Variants in MCC observed in about 807,000 individuals in gnomAD.
The protein encoded by MCC is colorectal mutant cancer protein.
In MCC, 90 loss-of-function variants were observed where a neutral mutation model predicts 116.2. The observed-to-expected ratio is 0.77, with a 90% confidence interval of 0.65 to 0.92. The LOEUF is 0.92. Ranked by LOEUF, MCC falls within the 40% of genes least tolerant of loss-of-function variation. The pLI, the probability that MCC is intolerant of heterozygous loss-of-function variation, is 0.00. For synonymous variants in MCC, 578 were observed against 510.5 expected (o/e 1.13, Z -1.78); for missense variants, 1,516 against 1,312.2 (o/e 1.16, Z -2.40).
intron 8 of MCC, 24 bp from the exon 9 acceptor site, chr5:113,085,334 A>C: frequency 6.3e-7 from 1 of 1,586,726 alleles, no homozygotes; most frequent in East Asian, 2.3e-5. Flanking sequence ...GCTTTTAGAC[A>C]TAGTTGGTGG....
At chr5:113,137,980 G>C (rs540462910) in intron 5 of MCC, among the ~76,000 whole-genome samples, 1 of 152,070 alleles carries the variant, frequency 6.6e-6, no homozygotes, top group East Asian at 1.9e-4. Flanking sequence ...AGGGATGGGA[G>C]AGTCTTCTAG....
chr5:113,262,750 T>C (rs1226254683), intron 3 of MCC, among the ~76,000 whole-genome samples: 1 of 152,136 alleles, frequency 6.6e-6, no homozygotes, highest in South Asian at 2.1e-4. Flanking sequence ...GGAGGGCCTA[T>C]TAAAGGAAAT....
chr5:113,059,594 T>G (rs79853281), intron 14 of MCC, among the ~76,000 whole-genome samples: 1 of 152,262 alleles, frequency 6.6e-6, no homozygotes, highest in South Asian at 2.1e-4. Context: ...CTGTGTTCTC[T>G]GAGAGCGACT....
intron 1 of MCC, among the ~76,000 whole-genome samples, chr5:113,478,624 T>C (rs1772294601): frequency 6.6e-6 from 1 of 152,182 alleles, no homozygotes. Context: ...AGTATGCAGT[T>C]ACTGCATATA....
At chr5:113,387,386 C>A (rs968672121) in intron 1 of MCC, among the ~76,000 whole-genome samples, 1 of 152,074 alleles carries the variant, frequency 6.6e-6, no homozygotes, top group Non-Finnish European at 1.5e-5. Flanking sequence ...TAAGACCTAC[C>A]TGATATTCAG....
At chr5:113,279,050 C>A (rs1419114035) in intron 3 of MCC, among the ~76,000 whole-genome samples, 1 of 152,168 alleles carries the variant, frequency 6.6e-6, no homozygotes, top group Non-Finnish European at 1.5e-5. Flanking sequence ...GCCCATGAGT[C>A]TTTAGCTGGG....
At chr5:113,358,891 T>C (rs1768476628) in intron 2 of MCC, among the ~76,000 whole-genome samples, 1 of 152,206 alleles carries the variant, frequency 6.6e-6, no homozygotes, top group South Asian at 2.1e-4. Context: ...CTGATCCCCA[T>C]GAGGGCCCCT....
chr5:113,320,604 T>C (rs1327258796), intron 3 of MCC, among the ~76,000 whole-genome samples: 1 of 152,228 alleles, frequency 6.6e-6, no homozygotes, highest in Non-Finnish European at 1.5e-5. Context: ...GAAAGCATAC[T>C]ACTTATCTCT....
At chr5:113,259,968 A>T (rs998229376) in intron 3 of MCC, among the ~76,000 whole-genome samples, 2 of 152,188 alleles carry the variant, frequency 1.3e-5, no homozygotes, top group African/African-American at 4.8e-5. Context: ...AAATAAGCTC[A>T]AACTACAAAA....
chr5:113,487,945 A>G (rs1772587071), intron 1 of MCC, among the ~76,000 whole-genome samples: 1 of 152,116 alleles, frequency 6.6e-6, no homozygotes, highest in Non-Finnish European at 1.5e-5. Context: ...TCCTTTTCCC[A>G]CAGGGAAGAA....
At chr5:113,220,224 A>T (rs1763498185) in intron 3 of MCC, among the ~76,000 whole-genome samples, 1 of 147,570 alleles carries the variant, frequency 6.8e-6, no homozygotes. Context: ...CGCCCAGCTA[A>T]TTTTTTTGTA....
chr5:113,412,614 C>T (rs545601850), intron 1 of MCC, among the ~76,000 whole-genome samples: 8 of 152,040 alleles, frequency 5.3e-5, no homozygotes, highest in South Asian at 2.1e-4. Context: ...TTTTTGCACA[C>T]TGATTTTGTA....
chr5:113,262,208 A>G (rs60437559), intron 3 of MCC, among the ~76,000 whole-genome samples: 16,400 of 152,122 alleles, frequency 0.11, 1,396 homozygotes, highest in Admixed American at 0.25. Context: ...TCTTTAGCAC[A>G]TGCCTAAGCA....
At chr5:113,281,525 T>C (rs2150357307) in intron 3 of MCC, among the ~76,000 whole-genome samples, 1 of 152,304 alleles carries the variant, frequency 6.6e-6, no homozygotes, top group Non-Finnish European at 1.5e-5. Flanking sequence ...ATCCAAAGGT[T>C]ACTGGGCACA....
intron 8 of MCC, among the ~76,000 whole-genome samples, chr5:113,090,245 T>A (rs1043757687): frequency 2.0e-5 from 3 of 151,788 alleles, no homozygotes; most frequent in Non-Finnish European, 4.4e-5. Context: ...ATTTGCAGAC[T>A]GTCAGGGGAA....
intron 1 of MCC, among the ~76,000 whole-genome samples, chr5:113,426,209 C>T (rs1056585542): frequency 6.6e-6 from 1 of 152,152 alleles, no homozygotes; most frequent in African/African-American, 2.4e-5. Context: ...GAACTCACTC[C>T]TTATCTCCCT....
chr5:113,110,668 T>C (rs1757035548), intron 6 of MCC, among the ~76,000 whole-genome samples: 2 of 152,214 alleles, frequency 1.3e-5, no homozygotes, highest in African/African-American at 4.8e-5. Flanking sequence ...CAAAGCTGTC[T>C]GATAAGACTG....
At chr5:113,062,982 C>CTGTTT (rs1285247004) in intron 14 of MCC, among the ~76,000 whole-genome samples, 1 of 152,204 alleles carries the variant, frequency 6.6e-6, no homozygotes, top group Non-Finnish European at 1.5e-5. Context: ...CAAGTAGACA[C>CTGTTT]TGTTTTGTTA....
intron 3 of MCC, among the ~76,000 whole-genome samples, chr5:113,227,621 C>A (rs1763792634): frequency 6.6e-6 from 1 of 152,034 alleles, no homozygotes; most frequent in African/African-American, 2.4e-5. Flanking sequence ...TAAAGAAAAT[C>A]ATATGTTTCT....
Sources: gnomAD v4.1 joint callset for allele counts (sites outside exome capture counted in the v4.1 genomes callset) on GRCh38, gnomAD v4.1.1 for gene constraint, MANE v1.5 for transcripts, NCBI Gene and HGNC (gene_info 2026-07-23, HGNC 2026-07-21) for gene names.